The following FKBP6 variants were observed in gnomAD, a reference collection of about 807,000 sequenced individuals.
FKBP6 encodes inactive peptidyl-prolyl cis-trans isomerase FKBP6.
Under a neutral mutation model 41.7 loss-of-function variants are expected in FKBP6, and 29 were observed. That is an observed-to-expected ratio of 0.70 (90% CI 0.52 to 0.95). FKBP6 has a LOEUF of 0.95. FKBP6 is among the 40% of genes least tolerant of loss of function. The probability of loss-of-function intolerance (pLI) is 0.00; values close to 1 mark genes in which losing one functional copy is unlikely to be tolerated. For missense variants in FKBP6, 338 were observed against 408.7 expected, an observed-to-expected ratio of 0.83 and a Z score of 1.49; for synonymous variants, 130 against 165.1, an observed-to-expected ratio of 0.79 and a Z score of 1.63.
At chr7:73,343,481 C>T (rs1805253436) in intron 8 of FKBP6, among the ~76,000 whole-genome samples, 2 of 152,094 alleles carry the variant, frequency 1.3e-5, no homozygotes, top group African/African-American at 4.8e-5. Context: ...CCTGAGAACT[C>T]GAAAGCCTCC....
chr7:73,345,298 G>A (rs1805305448), intron 8 of FKBP6, among the ~76,000 whole-genome samples: 1 of 151,704 alleles, frequency 6.6e-6, no homozygotes, highest in Non-Finnish European at 1.5e-5. Context: ...GAGTTTGGCA[G>A]TCCTTGGGCA....
At position 73,329,457 on chromosome 7, in the gene FKBP6, C is replaced by G; in HGVS notation, c.265+8C>G. ...TAATGAAACTTGGAGAGGGTAGGTT[C>G]AGAGTGGGAGCTGGAGAAGAAGGAA... On this transcript the variant is annotated splice_region_variant and intron_variant, in intron 3 of 8. Coordinates refer to ENST00000252037, the MANE Select transcript of FKBP6 (RefSeq NM_003602.5). 1 of 1,514,716 alleles carries G rather than the reference C, an allele frequency of 6.6e-7. No homozygotes were observed. The highest frequency in any genetic ancestry group is 9.2e-7 in the Non-Finnish European group (1 of 1,089,400). The allele number at this position is 1,514,716 out of a possible 1,614,324, so 93.8% of individuals were successfully genotyped here.
intron 5 of FKBP6, among the ~76,000 whole-genome samples, chr7:73,333,293 C>T (rs1056414380): frequency 7.2e-5 from 11 of 151,750 alleles, no homozygotes; most frequent in Non-Finnish European, 7.4e-5. Flanking sequence ...AAACAAAACA[C>T]CACACATGCG....
At chr7:73,337,459 C>T (rs971652853) in intron 5 of FKBP6, among the ~76,000 whole-genome samples, 11 of 151,830 alleles carry the variant, frequency 7.2e-5, no homozygotes, top group African/African-American at 1.2e-4. Context: ...AGATTACAAG[C>T]GCCTGCTACC....
In FKBP6 at chr7:73,356,684, A is replaced by T. The variant is rs529658878; in HGVS notation, c.*3-1497A>T. ...TTAAGTTATTTTTGATAACTCTGTC[A>T]TTAATTCTGTGAGTTCTATCAGCAG... On this transcript the variant is annotated intron_variant, in intron 8 of 8. Transcript: ENST00000252037. 5.3e-4 allele frequency among the ~76,000 whole-genome samples: 81 copies of T among 152,316 alleles called. 2 individuals carry two copies. In the South Asian group the frequency reaches 0.017, roughly 31 times the overall value.
intron 8 of FKBP6, among the ~76,000 whole-genome samples, chr7:73,348,779 A>C (rs1285308009): frequency 6.6e-6 from 1 of 152,190 alleles, no homozygotes; most frequent in Non-Finnish European, 1.5e-5. Flanking sequence ...ACACCTACTT[A>C]TAGTCACTAG....
intron 5 of FKBP6, chr7:73,339,122 A>C (rs1463241258): frequency 6.6e-6 from 1 of 152,200 alleles, no homozygotes; most frequent in Non-Finnish European, 1.5e-5. Context: ...ATGAATTTGC[A>C]TGTCATCTTT....
intron 3 of FKBP6, 38 bp from the exon 4 acceptor site, chr7:73,330,112 G>A (rs782527327): frequency 6.6e-7 from 1 of 1,519,954 alleles, no homozygotes; most frequent in Non-Finnish European, 9.1e-7. Context: ...GCAGGATACT[G>A]AGCAAGCTTC....
At position 73,338,671 on chromosome 7, in the gene FKBP6, G is replaced by A. The variant is rs900821282; in HGVS notation, c.589-1967G>A. Among the ~76,000 whole-genome samples, 7 of 152,316 alleles carry A rather than the reference G, an allele frequency of 4.6e-5. No homozygotes were observed. In the South Asian group the frequency reaches 6.2e-4, roughly 14 times the overall value. The stretch of plus-strand genomic sequence containing the variant: ...TATTTTTAAAGTTAGGCATCTTAGC[G>A]GATGTGAAGTGGTATCTCACTGTGG... On this transcript the variant is annotated intron_variant, in intron 5 of 8. Transcript: ENST00000252037.
In FKBP6 at chr7:73,328,499, C is replaced by G; in HGVS notation, c.57+14C>G. On this transcript the variant is annotated intron_variant, in intron 1 of 8. Transcript: ENST00000252037. ...GCCCCCGGCCAGGTGAGGGCCCAGA[C>G]GTTTCGGGGGCGTAGACGCTGAGGG... 1 of 1,557,378 alleles carries G rather than the reference C, an allele frequency of 6.4e-7. No homozygotes were observed. The highest frequency in any genetic ancestry group is 8.7e-7 in the Non-Finnish European group (1 of 1,149,020).
chr7:73,336,762 C>T (rs893948690), intron 5 of FKBP6: 5 of 456,322 alleles, frequency 1.1e-5, no homozygotes, highest in Admixed American at 7.1e-5. Context: ...ATGTTAGGCA[C>T]CGTGCTGGGT....
rs117190976 is a variant in FKBP6, at chr7:73,332,812, G to A, written c.588+1036G>A. Reference sequence around the variant, plus strand: ...GTGCTTATTAGGTCCTCCACCAACCGATTTCTCCACCCCTTTGCCATCATC... The same window carrying A: ...GTGCTTATTAGGTCCTCCACCAACCAATTTCTCCACCCCTTTGCCATCATC... On this transcript the variant is annotated intron_variant, in intron 5 of 8. Coordinates refer to ENST00000252037, the MANE Select transcript of FKBP6 (RefSeq NM_003602.5). Among the ~76,000 whole-genome samples the A allele has an allele frequency of 3.9e-5, 6 of 152,226 alleles. No individual in the cohort carries two copies. In the East Asian group the frequency reaches 1.2e-3, roughly 29 times the overall value.
At chr7:73,350,059 A>G (rs1288672073) in intron 8 of FKBP6, among the ~76,000 whole-genome samples, 3 of 152,210 alleles carry the variant, frequency 2.0e-5, no homozygotes, top group Non-Finnish European at 4.4e-5. Context: ...GGAAATGGAT[A>G]GAGACCAAAT....
At chr7:73,340,951 T>A in intron 6 of FKBP6, 119 bp downstream of exon 6, 1 of 821,032 alleles carries the variant, frequency 1.2e-6, no homozygotes, top group Non-Finnish European at 2.0e-6. Context: ...TAGACAGAGT[T>A]TTGCTCTTGT....
chr7:73,330,660 G>A (rs570455864), intron 4 of FKBP6, among the ~76,000 whole-genome samples: 9 of 152,286 alleles, frequency 5.9e-5, no homozygotes, highest in African/African-American at 1.2e-4. Flanking sequence ...GCTTTTCATC[G>A]TTTGGTTTCC....
At chr7:73,334,067 C>T (rs1554548142) in intron 5 of FKBP6, among the ~76,000 whole-genome samples, 1 of 151,544 alleles carries the variant, frequency 6.6e-6, no homozygotes, top group Non-Finnish European at 1.5e-5. Context: ...AGTGAAACTC[C>T]ATCTCAAAAA....
intron 5 of FKBP6, among the ~76,000 whole-genome samples, chr7:73,332,339 C>T (rs961056118): frequency 6.6e-6 from 1 of 151,748 alleles, no homozygotes; most frequent in East Asian, 2.0e-4. Context: ...CAAAATTAGC[C>T]GGGCGTGGTG....
At chr7:73,355,866 A>T (rs1217115419) in intron 8 of FKBP6, among the ~76,000 whole-genome samples, 1 of 151,976 alleles carries the variant, frequency 6.6e-6, no homozygotes, top group Non-Finnish European at 1.5e-5. Flanking sequence ...GGAGATCGAG[A>T]CCATCCTGGC....
chr7:73,328,834 G>T, intron 2 of FKBP6, 142 bp downstream of exon 2: 1 of 1,476,944 alleles, frequency 6.8e-7, no homozygotes, highest in Non-Finnish European at 9.4e-7. Flanking sequence ...TTTGAAACGG[G>T]GTCTTGCTCA....
Sources: gnomAD v4.1 joint callset for allele counts (sites outside exome capture counted in the v4.1 genomes callset) on GRCh38, gnomAD v4.1.1 for gene constraint, MANE v1.5 for transcripts, NCBI Gene and HGNC (gene_info 2026-07-23, HGNC 2026-07-21) for gene names.